The following OPA1 variants were observed in gnomAD, a reference collection of about 807,000 sequenced individuals.
OPA1 encodes dynamin-like GTPase OPA1, mitochondrial.
A neutral mutation model predicts 152.9 loss-of-function variants in OPA1; 59 were observed. The observed-to-expected ratio is 0.39, with a 90% CI of 0.31 to 0.48. The LOEUF is 0.48. Among genes scored for constraint, OPA1 ranks in the 20% least tolerant of loss-of-function variants. OPA1 has a pLI of 0.96. For synonymous variants in OPA1, 400 were observed against 389.9 expected, an observed-to-expected ratio of 1.03 and a Z score of -0.31; for missense variants, 1,008 against 1,216.8, an observed-to-expected ratio of 0.83 and a Z score of 2.55.
rs1243186686 is a variant in OPA1 at position 193,593,330 on chromosome 3, G to C, written c.-48G>C. ...GAGCCGGGCTGGGGCTCACACGGGGGCTCCCGCGTGGCCGTCTCGGCGCCT... is the reference window on the plus strand; with the variant it reads ...GAGCCGGGCTGGGGCTCACACGGGGCCTCCCGCGTGGCCGTCTCGGCGCCT... On this transcript the variant is annotated 5_prime_UTR_variant, in exon 1 of 31. Transcript: ENST00000361510. 2 of 1,532,954 alleles carry C rather than the reference G, an allele frequency of 1.3e-6. No homozygotes were observed. Among genetic ancestry groups the C allele is most frequent in the African/African-American group, 1.4e-5 (1 of 72,230 alleles). 95.0% of individuals were successfully genotyped at this position (1,532,954 alleles called of 1,614,324 possible). A position where few individuals can be genotyped will look rare whatever the true frequency, so the allele number is the denominator to read the frequency against.
chr3:193,609,104 C>T (rs147032723), intron 1 of OPA1, among the ~76,000 whole-genome samples: 3,692 of 152,158 alleles, frequency 0.024, 163 homozygotes, highest in African/African-American at 0.085. Flanking sequence ...TGACTCTGCA[C>T]GTGAGATGGG....
At chr3:193,594,997 AAAAC>A (rs2108764699) in intron 1 of OPA1, among the ~76,000 whole-genome samples, 1 of 152,354 alleles carries the variant, frequency 6.6e-6, no homozygotes, top group South Asian at 2.1e-4. Context: ...ACGGAGTTTT[AAAAC>A]AAACTGATTT....
chr3:193,668,593 C>G (rs1368788150), intron 29 of OPA1: 1 of 1,542,586 alleles, frequency 6.5e-7, no homozygotes, highest in Non-Finnish European at 8.8e-7. Context: ...CCTCTTTACC[C>G]TGCCTGTGCT....
rs151308187 is a variant in OPA1 at position 193,646,041 on chromosome 3, A to G, written c.1754+241A>G. 9.7e-5 allele frequency among the ~76,000 whole-genome samples: 14 copies of G among 144,818 alleles called. No homozygotes were observed. In the East Asian group the frequency reaches 2.8e-3, roughly 29 times the overall value. On this transcript the variant is annotated intron_variant, in intron 18 of 30. Coordinates refer to ENST00000361510, the MANE Select transcript of OPA1 (RefSeq NM_130837.3). ...TGCTTCCTTGGACGTGGGCACTGAA[A>G]GACAACATAGATATCTGCCTCTTAC...
intron 25 of OPA1, among the ~76,000 whole-genome samples, chr3:193,661,504 G>A (rs1043761334): frequency 6.6e-6 from 1 of 152,172 alleles, no homozygotes; most frequent in Admixed American, 6.6e-5. Flanking sequence ...TCTAGAAGAG[G>A]TTGAGAATAT....
chr3:193,636,000 G>A (rs1021868377), intron 9 of OPA1, among the ~76,000 whole-genome samples: 5 of 152,222 alleles, frequency 3.3e-5, no homozygotes, highest in African/African-American at 1.2e-4. Flanking sequence ...TGCTGGTATT[G>A]TTACTATCAG....
At chr3:193,627,513 A>C (rs537926255) in intron 7 of OPA1, among the ~76,000 whole-genome samples, 108 of 152,312 alleles carry the variant, frequency 7.1e-4, no homozygotes, top group Non-Finnish European at 1.3e-3. Flanking sequence ...TAGTTTTGTT[A>C]TGGAAAGAAG....
At chr3:193,620,083 T>A (rs1336678087) in intron 6 of OPA1, among the ~76,000 whole-genome samples, 1 of 152,108 alleles carries the variant, frequency 6.6e-6, no homozygotes, top group Non-Finnish European at 1.5e-5. Flanking sequence ...GAAAAAAAAA[T>A]AAGTAGAAAT....
At chr3:193,663,491 C>T (rs1458038846) in intron 26 of OPA1, among the ~76,000 whole-genome samples, 1 of 152,036 alleles carries the variant, frequency 6.6e-6, no homozygotes, top group African/African-American at 2.4e-5. Context: ...CTACTTTTTG[C>T]TTACCTTCAT....
chr3:193,614,605 G>A lies in OPA1; in HGVS notation c.33-118G>A, dbSNP rs1338418093. On this transcript the variant is annotated intron_variant, in intron 1 of 30. Coordinates refer to ENST00000361510, the MANE Select transcript of OPA1 (RefSeq NM_130837.3). ...GGTTAGTAAATGTGAACTATTGTGT[G>A]ACATTGTGGTTAGTCACGTATGGGG... 5 of 787,366 alleles carry A rather than the reference G, an allele frequency of 6.4e-6. No homozygotes were observed. In the Admixed American group the frequency reaches 7.1e-5, roughly 11 times the overall value. The allele number at this position is 787,366 out of a possible 1,614,324, so 48.8% of individuals were successfully genotyped here. A position where few individuals can be genotyped will look rare whatever the true frequency, so the allele number is the denominator to read the frequency against.
intron 6 of OPA1, among the ~76,000 whole-genome samples, chr3:193,620,370 A>G (rs1729837823): frequency 6.6e-6 from 1 of 152,240 alleles, no homozygotes; most frequent in Non-Finnish European, 1.5e-5. Context: ...CTAAGGTCAT[A>G]GATGAATAAT....
At chr3:193,598,136 T>C (rs1302367056) in intron 1 of OPA1, among the ~76,000 whole-genome samples, 5 of 152,286 alleles carry the variant, frequency 3.3e-5, no homozygotes, top group African/African-American at 9.6e-5. Flanking sequence ...GAGGAGAGAT[T>C]TGACTTAGAT....
chr3:193,672,099 G>A (rs1046308242), intron 29 of OPA1, among the ~76,000 whole-genome samples: 1 of 152,192 alleles, frequency 6.6e-6, no homozygotes, highest in Non-Finnish European at 1.5e-5. Flanking sequence ...TGGAGTCCCA[G>A]TGTAAGTTTT....
rs915546890 is a variant in OPA1 at position 193,696,662 on chromosome 3, A to G, written c.*2062A>G. 6 of 152,256 alleles carry G rather than the reference A, an allele frequency of 3.9e-5. No homozygotes were observed. The highest frequency in any genetic ancestry group is 1.2e-4 in the African/African-American group (5 of 41,470). The allele number at this position is 152,256 out of a possible 1,614,324, so 9.4% of individuals were successfully genotyped here. A position where few individuals can be genotyped will look rare whatever the true frequency, so the allele number is the denominator to read the frequency against. ...GTCTTGTGTCTGTAGTTCAAAAGTCAGAAATGATTCTAATTTAAACAAAAA... is the reference window on the plus strand; with the variant it reads ...GTCTTGTGTCTGTAGTTCAAAAGTCGGAAATGATTCTAATTTAAACAAAAA... On this transcript the variant is annotated 3_prime_UTR_variant, in exon 31 of 31. Coordinates refer to ENST00000361510, the MANE Select transcript of OPA1 (RefSeq NM_130837.3).
At position 193,643,030 on chromosome 3, in the gene OPA1, G is replaced by A. The variant is rs146003075; in HGVS notation, c.1286G>A (p.Gly429Asp). ...CGAATGAGGAAAAATGTGAAAGAAG[G>A]CTGTACCGTTAGCCCTGAGGTAAGG... Reference protein sequence around the residue: ...ELRMRKNVKEGCTVSPETISL... With the variant: ...ELRMRKNVKEDCTVSPETISL... Residue 429 changes from glycine (G) to aspartate (D), a missense_variant, in exon 13 of 31, where the codon GGC becomes GAC. By Grantham distance (94) the Gly-to-Asp change is moderately conservative. Around this residue, in one of 7 missense-constraint regions of OPA1, gnomAD observed 213 missense variants for 291.4 expected, o/e 0.73. Transcript: ENST00000361510. 47 of 1,613,320 alleles carry A rather than the reference G, an allele frequency of 2.9e-5. No homozygotes were observed. The Middle Eastern group carries it at 4.9e-4, about 17-fold the overall frequency.
chr3:193,631,041 C>T (rs1490911415), intron 7 of OPA1, among the ~76,000 whole-genome samples: 1 of 152,130 alleles, frequency 6.6e-6, no homozygotes, highest in East Asian at 1.9e-4. Flanking sequence ...AATTTAAAAG[C>T]AAGCATTTGG....
chr3:193,601,222 C>T (rs1432815017), intron 1 of OPA1, among the ~76,000 whole-genome samples: 1 of 151,984 alleles, frequency 6.6e-6, no homozygotes, highest in Non-Finnish European at 1.5e-5. Flanking sequence ...AGAGTGAGCC[C>T]CCAGGAACCC....
At chr3:193,668,456 C>T in intron 29 of OPA1, 1 of 1,550,614 alleles carries the variant, frequency 6.4e-7, no homozygotes, top group Middle Eastern at 1.7e-4. Context: ...GTCCCTTTTA[C>T]TGAGCTCTGC....
At chr3:193,632,220 G>A (rs141417750) in intron 8 of OPA1, among the ~76,000 whole-genome samples, 61 of 152,322 alleles carry the variant, frequency 4.0e-4, no homozygotes, top group Admixed American at 2.1e-3. Context: ...GGTGGCTCAC[G>A]CCTGTAATCC....
Sources: allele counts gnomAD v4.1 joint callset (sites outside exome capture counted in the v4.1 genomes callset), GRCh38; gene constraint gnomAD v4.1.1; regional missense constraint gnomAD v4.1.1; transcripts MANE v1.5; gene names NCBI Gene and HGNC (gene_info 2026-07-23, HGNC 2026-07-21).